Variants in KCNQ1 observed in about 807,000 individuals in gnomAD.
KCNQ1 encodes the protein potassium voltage-gated channel subfamily KQT member 1.
In KCNQ1, 49 loss-of-function variants were observed where a neutral mutation model predicts 72.4. That is an observed-to-expected ratio of 0.68 (90% CI 0.54 to 0.86). The LOEUF is 0.86. Among genes scored for constraint, KCNQ1 ranks in the 40% least tolerant of loss-of-function variants. The probability of loss-of-function intolerance (pLI) is 0.00; values close to 1 mark genes in which losing one functional copy is unlikely to be tolerated. For missense variants in KCNQ1, 790 were observed against 945.1 expected (o/e 0.84, Z 2.15); for synonymous variants, 450 against 412.6 (o/e 1.09, Z -1.10).
chr11:2,779,093 C>T (rs1247892504), intron 15 of KCNQ1, among the ~76,000 whole-genome samples: 2 of 152,254 alleles, frequency 1.3e-5, no homozygotes, highest in Non-Finnish European at 2.9e-5. Context: ...TACCCTGAGT[C>T]CCATGGGCCT....
Position 2,666,419 on chromosome 11 carries a change from G to A in KCNQ1, c.1514+4338G>A, listed in dbSNP as rs1039416543. The A allele has an allele frequency of 2.8e-5, 11 of 398,550 alleles. No individual in the cohort carries two copies. The South Asian group carries it at 3.8e-4, about 14-fold the overall frequency. The allele number at this position is 398,550 out of a possible 1,614,324, so 24.7% of individuals were successfully genotyped here. A position where few individuals can be genotyped will look rare whatever the true frequency, so the allele number is the denominator to read the frequency against. On this transcript the variant is annotated intron_variant, in intron 11 of 15. Transcript: ENST00000155840. ...CTTGAGCAAAAACAGCCCCGTGTGC[G>A]TTAATTAGAATTTCCATGTCTTCAA... is the stretch of plus-strand genomic sequence containing the variant.
chr11:2,765,878 C>T (rs1027326352), intron 11 of KCNQ1, among the ~76,000 whole-genome samples: 1 of 152,124 alleles, frequency 6.6e-6, no homozygotes, highest in Non-Finnish European at 1.5e-5. Flanking sequence ...TCATGACAAT[C>T]TTGATCTTTT....
At chr11:2,542,810 G>A (rs555269375) in intron 2 of KCNQ1, among the ~76,000 whole-genome samples, 13 of 152,280 alleles carry the variant, frequency 8.5e-5, no homozygotes, top group African/African-American at 1.2e-4. Context: ...CCCATTGTAC[G>A]GACGCATTGC....
At position 2,767,576 on chromosome 11, in the gene KCNQ1, T is replaced by C. The variant is rs1172361274; in HGVS notation, c.1515-1268T>C. 6.6e-6 allele frequency among the ~76,000 whole-genome samples: 1 copy of C among 152,220 alleles called. No homozygotes were observed. Among genetic ancestry groups the C allele is most frequent in the Non-Finnish European group, 1.5e-5 (1 of 68,044 alleles). ...GGTATTATCTCCCTACAGATAATTT[T>C]ATTTTCTTCTGCCACGCGCAAAGCA... On this transcript the variant is annotated intron_variant, in intron 11 of 15. Transcript: ENST00000155840. The surrounding 1 kb of genome is among the most constrained non-coding windows in gnomAD (Gnocchi z 4.6).
intron 15 of KCNQ1, among the ~76,000 whole-genome samples, chr11:2,797,860 G>A (rs1474647199): frequency 6.6e-6 from 1 of 151,954 alleles, no homozygotes; most frequent in Non-Finnish European, 1.5e-5. Context: ...CCCAGGCACA[G>A]GGGATACCTC....
intron 11 of KCNQ1, among the ~76,000 whole-genome samples, chr11:2,756,651 G>A (rs1029740888): frequency 6.6e-6 from 1 of 151,832 alleles, no homozygotes; most frequent in African/African-American, 2.4e-5. Flanking sequence ...TGGTTTGGCC[G>A]TGTTGCCCAG....
At chr11:2,545,608 A>C (rs1847893257) in intron 2 of KCNQ1, among the ~76,000 whole-genome samples, 1 of 152,096 alleles carries the variant, frequency 6.6e-6, no homozygotes, top group African/African-American at 2.4e-5. Flanking sequence ...CATTGAGGTG[A>C]TTGATAGGTG....
intron 12 of KCNQ1, chr11:2,771,677 A>G (rs1482739051): frequency 6.6e-6 from 1 of 152,186 alleles, no homozygotes; most frequent in Admixed American, 6.5e-5. Context: ...TGGGCCAAGA[A>G]ATGGTTTCTC....
rs572751402 is a variant in KCNQ1, at chr11:2,766,413, C to G, written c.1515-2431C>G. Among the ~76,000 whole-genome samples the G allele has an allele frequency of 1.3e-5, 2 of 152,184 alleles. No homozygotes were observed. The highest frequency in any genetic ancestry group is 1.3e-4 in the Admixed American group (2 of 15,278). On this transcript the variant is annotated intron_variant, in intron 11 of 15. Coordinates refer to ENST00000155840, the MANE Select transcript of KCNQ1 (RefSeq NM_000218.3). This position sits in a 1 kb window ranked among gnomAD's most constrained non-coding sequence, Gnocchi z 4.4. ...GCCAGGGTCTCTCAGCTCTCCTTCA[C>G]GCGGCTGTTCCAGCAGGCTAGCTCA... is the stretch of plus-strand genomic sequence containing the variant.
At chr11:2,552,756 G>A (rs867643900) in intron 2 of KCNQ1, among the ~76,000 whole-genome samples, 7 of 147,388 alleles carry the variant, frequency 4.7e-5, no homozygotes, top group South Asian at 2.2e-4. Flanking sequence ...CCACGAACAC[G>A]GTCTCGCTCC....
In KCNQ1 at chr11:2,642,950, A is replaced by G. The variant is rs1401474825; in HGVS notation, c.1394-19011A>G. On this transcript the variant is annotated intron_variant, in intron 10 of 15. Coordinates refer to ENST00000155840, the MANE Select transcript of KCNQ1 (RefSeq NM_000218.3). This position sits in a 1 kb window ranked among gnomAD's most constrained non-coding sequence, Gnocchi z 4.3. ...GTCATTCAGGAACATGTTAATTTCCATTTATTTATACAGTTTTGAATGCTC... is the reference window on the plus strand; with the variant it reads ...GTCATTCAGGAACATGTTAATTTCCGTTTATTTATACAGTTTTGAATGCTC... The G allele has an allele frequency of 7.5e-6, 3 of 397,664 alleles. No homozygotes were observed. The highest frequency in any genetic ancestry group is 2.1e-5 in the African/African-American group (1 of 48,540). The allele number at this position is 397,664 out of a possible 1,614,324, so 24.6% of individuals were successfully genotyped here.
rs1474483266 is a variant in KCNQ1 at position 2,783,630 on chromosome 11, T to G, written c.1794+5593T>G. Among the ~76,000 whole-genome samples the G allele has an allele frequency of 6.6e-6, 1 of 152,118 alleles. No homozygotes were observed. Among genetic ancestry groups the G allele is most frequent in the African/African-American group, 2.4e-5 (1 of 41,470 alleles). ...CCATTTTGCTTTCTCACCAGTAAAG[T>G]ATAAAGGTTCCACTTTCTCCACAGC... On this transcript the variant is annotated intron_variant, in intron 15 of 15. Transcript: ENST00000155840. The surrounding 1 kb of genome is among the most constrained non-coding windows in gnomAD (Gnocchi z 5.2).
chr11:2,480,750 G>A (rs1478149552), intron 1 of KCNQ1, among the ~76,000 whole-genome samples: 1 of 152,224 alleles, frequency 6.6e-6, no homozygotes, highest in South Asian at 2.1e-4. Flanking sequence ...GAGACCTGTA[G>A]TGTGCATGTC....
chr11:2,618,221 A>G (rs992683746), intron 10 of KCNQ1: 1 of 398,398 alleles, frequency 2.5e-6, no homozygotes, highest in African/African-American at 2.1e-5. Context: ...GCGATATCAA[A>G]TCTTTTGGCT....
chr11:2,785,932 T>G lies in KCNQ1; in HGVS notation c.1794+7895T>G, dbSNP rs1207966775. On this transcript the variant is annotated intron_variant, in intron 15 of 15. Coordinates refer to ENST00000155840, the MANE Select transcript of KCNQ1 (RefSeq NM_000218.3). The surrounding 1 kb of genome is among the most constrained non-coding windows in gnomAD (Gnocchi z 4.4). ...TAACTTCAATTATTCTCCCCCTGAC[T>G]TAGTACTTTGCTGTTGTATATTTTA... Among the ~76,000 whole-genome samples, 1 of 152,136 alleles carries G rather than the reference T, an allele frequency of 6.6e-6. No individual in the cohort carries two copies. Among genetic ancestry groups the G allele is most frequent in the East Asian group, 1.9e-4 (1 of 5,204 alleles).
chr11:2,643,834 T>C (rs965925531), intron 10 of KCNQ1: 29 of 398,490 alleles, frequency 7.3e-5, no homozygotes, highest in Non-Finnish European at 9.7e-5. Context: ...TTATTTCTCC[T>C]TCATTTCTGA....
Position 2,766,746 on chromosome 11 carries a change from C to T in KCNQ1, c.1515-2098C>T, listed in dbSNP as rs1016531848. Among the ~76,000 whole-genome samples the T allele has an allele frequency of 6.6e-6, 1 of 152,246 alleles. No homozygotes were observed. Among genetic ancestry groups the T allele is most frequent in the Admixed American group, 6.5e-5 (1 of 15,284 alleles). On this transcript the variant is annotated intron_variant, in intron 11 of 15. Transcript: ENST00000155840. The surrounding 1 kb of genome is among the most constrained non-coding windows in gnomAD (Gnocchi z 4.4). ...CATCTTGTGATCTGCCCCTTCCAGC[C>T]TCTGTCCAATTCCTTGTCCCAAAAT... is the stretch of plus-strand genomic sequence containing the variant.
At position 2,627,674 on chromosome 11, in the gene KCNQ1, ATG is replaced by A. The variant is rs562981831; in HGVS notation, c.1394-34273_1394-34272del. ...AATATTTCATTGTGTGTGTGTATAT[ATG>A]TGTGTGTGTGTGTCTGTATGTATAT... On this transcript the variant is annotated intron_variant, in intron 10 of 15. Transcript: ENST00000155840. This position sits in a 1 kb window ranked among gnomAD's most constrained non-coding sequence, Gnocchi z 4.9. The A allele has an allele frequency of 5.0e-4, 197 of 397,290 alleles. No individual in the cohort carries two copies. Among genetic ancestry groups the A allele is most frequent in the Non-Finnish European group, 7.9e-4 (178 of 225,338 alleles). The allele number at this position is 397,290 out of a possible 1,614,324, so 24.6% of individuals were successfully genotyped here.
Position 2,493,741 on chromosome 11 carries a change from G to A in KCNQ1, c.387-34187G>A, listed in dbSNP as rs567992777. Among the ~76,000 whole-genome samples the A allele has an allele frequency of 7.2e-5, 11 of 152,192 alleles. No individual in the cohort carries two copies. The highest frequency in any genetic ancestry group is 1.3e-4 in the Non-Finnish European group (9 of 68,004). The stretch of plus-strand genomic sequence containing the variant: ...TTCATACCAGTACCATGCTGTTTTC[G>A]TTACTATAGCCTTGTAGTATAGTTT... On this transcript the variant is annotated intron_variant, in intron 1 of 15. Coordinates refer to ENST00000155840, the MANE Select transcript of KCNQ1 (RefSeq NM_000218.3). This position sits in a 1 kb window ranked among gnomAD's most constrained non-coding sequence, Gnocchi z 5.3.
Sources: allele counts gnomAD v4.1 joint callset (sites outside exome capture counted in the v4.1 genomes callset), GRCh38; gene constraint gnomAD v4.1.1; non-coding constraint Gnocchi (gnomAD v3.1); transcripts MANE v1.5; gene names NCBI Gene and HGNC (gene_info 2026-07-23, HGNC 2026-07-21).